ANKS1B: variants seen among roughly 807,000 people sequenced by gnomAD.
ANKS1B encodes ankyrin repeat and sterile alpha motif domain containing 1B.
A neutral mutation model predicts 148.3 loss-of-function variants in ANKS1B; 36 were observed. The observed-to-expected ratio is 0.24, with a 90% CI of 0.19 to 0.32. ANKS1B has a LOEUF of 0.32. ANKS1B is among the 10% of genes least tolerant of loss of function. ANKS1B has a pLI of 1.00. For synonymous variants in ANKS1B, 542 were observed against 560.8 expected, an observed-to-expected ratio of 0.97 and a Z score of 0.47; for missense variants, 1,157 against 1,542.6, an observed-to-expected ratio of 0.75 and a Z score of 4.19.
intron 12 of ANKS1B, among the ~76,000 whole-genome samples, chr12:99,300,537 T>C (rs2081458483): frequency 6.6e-6 from 1 of 151,882 alleles, no homozygotes; most frequent in Admixed American, 6.6e-5. Flanking sequence ...CCATGGAGCA[T>C]CTACATTTTT....
intron 21 of ANKS1B, 115 bp from the exon 22 acceptor site, chr12:98,799,120 A>G (rs2098978223): frequency 1.7e-6 from 1 of 600,428 alleles, no homozygotes; most frequent in East Asian, 3.2e-5. Context: ...AAGTTGTTGC[A>G]TAACTTTAAA....
intron 17 of ANKS1B, among the ~76,000 whole-genome samples, chr12:98,844,911 C>G: frequency 6.6e-6 from 1 of 152,142 alleles, no homozygotes; most frequent in East Asian, 1.9e-4. Flanking sequence ...ATTCTCTCAA[C>G]GGGCTGAAAA....
intron 12 of ANKS1B, among the ~76,000 whole-genome samples, chr12:99,292,240 C>T (rs1364436725): frequency 1.3e-5 from 2 of 151,886 alleles, no homozygotes. Flanking sequence ...CGCCTGTAAT[C>T]CCAGCACTTT....
chr12:99,365,659 A>C (rs1311908893), intron 12 of ANKS1B, among the ~76,000 whole-genome samples: 1 of 152,160 alleles, frequency 6.6e-6, no homozygotes, highest in Non-Finnish European at 1.5e-5. Flanking sequence ...TTCTGGGTCC[A>C]ATTCTAAATG....
At chr12:98,746,275 T>C (rs1246392492) in intron 26 of ANKS1B, among the ~76,000 whole-genome samples, 1 of 152,026 alleles carries the variant, frequency 6.6e-6, no homozygotes, top group Middle Eastern at 3.2e-3. Flanking sequence ...AAACCCGAAC[T>C]CCTCACCGTG....
At chr12:98,988,033 A>G (rs2099924441) in intron 17 of ANKS1B, among the ~76,000 whole-genome samples, 1 of 152,222 alleles carries the variant, frequency 6.6e-6, no homozygotes, top group Non-Finnish European at 1.5e-5. Context: ...TGCATGCAAC[A>G]TGATGTTTTG....
chr12:99,595,895 T>C (rs970481925), intron 9 of ANKS1B, among the ~76,000 whole-genome samples: 1 of 151,942 alleles, frequency 6.6e-6, no homozygotes, highest in Non-Finnish European at 1.5e-5. Flanking sequence ...ACCTAAGTTT[T>C]TGTAAGTATC....
At chr12:99,590,682 G>T (rs1158629118) in intron 9 of ANKS1B, among the ~76,000 whole-genome samples, 1 of 152,192 alleles carries the variant, frequency 6.6e-6, no homozygotes, top group Non-Finnish European at 1.5e-5. Context: ...GGTGAAGGAG[G>T]TTGAAAACAC....
At chr12:98,890,854 T>G (rs2099751188) in intron 17 of ANKS1B, among the ~76,000 whole-genome samples, 2 of 152,190 alleles carry the variant, frequency 1.3e-5, no homozygotes, top group Admixed American at 1.3e-4. Context: ...TCAAGCACCC[T>G]CCAAATATAT....
In ANKS1B at chr12:98,776,304, A is replaced by C. The variant is rs1331859019; in HGVS notation, c.3442-3125T>G. On this transcript the variant is annotated intron_variant, in intron 24 of 26. Transcript: ENST00000683438. ...TGAGTGGCTTTTCCACAAATTAAAA[A>C]GTGATGTCATGAAGAGGTACAGGTG... Among the ~76,000 whole-genome samples, 3 of 152,234 alleles carry C rather than the reference A, an allele frequency of 2.0e-5. No homozygotes were observed. In the East Asian group the frequency reaches 5.8e-4, roughly 29 times the overall value.
chr12:99,728,035 C>T (rs10860496), intron 8 of ANKS1B, among the ~76,000 whole-genome samples: 36,102 of 151,876 alleles, frequency 0.24, 4,509 homozygotes, highest in African/African-American at 0.28. Flanking sequence ...AAACCCTAGA[C>T]GAAAACTTAG....
At chr12:99,495,405 A>G (rs1313087409) in intron 10 of ANKS1B, among the ~76,000 whole-genome samples, 2 of 150,360 alleles carry the variant, frequency 1.3e-5, no homozygotes, top group Non-Finnish European at 1.5e-5. Context: ...TTTTCCAACT[A>G]CAACACATTT....
intron 1 of ANKS1B, among the ~76,000 whole-genome samples, chr12:99,927,869 C>A (rs1177065396): frequency 3.3e-5 from 5 of 152,110 alleles, no homozygotes; most frequent in Non-Finnish European, 7.4e-5. Context: ...TTAAAAAACA[C>A]TTTAACTGCT....
chr12:98,973,633 C>T (rs2099885727), intron 17 of ANKS1B, among the ~76,000 whole-genome samples: 1 of 152,130 alleles, frequency 6.6e-6, no homozygotes, highest in Non-Finnish European at 1.5e-5. Flanking sequence ...ATGCTGTCTG[C>T]CCTTAGTCAG....
intron 14 of ANKS1B, among the ~76,000 whole-genome samples, chr12:99,191,423 T>A (rs1387531162): frequency 6.6e-6 from 1 of 152,180 alleles, no homozygotes. Flanking sequence ...CTGTTCACAA[T>A]AGCAAAGACT....
intron 10 of ANKS1B, among the ~76,000 whole-genome samples, chr12:99,481,733 G>A (rs935915790): frequency 2.6e-5 from 4 of 151,698 alleles, no homozygotes; most frequent in Non-Finnish European, 4.4e-5. Flanking sequence ...GGCCATTCTT[G>A]CAGGAGTAAG....
chr12:99,372,261 CACTCAAT>C (rs745718127), intron 12 of ANKS1B, among the ~76,000 whole-genome samples: 4 of 151,780 alleles, frequency 2.6e-5, no homozygotes, highest in Non-Finnish European at 5.9e-5. Flanking sequence ...CTGTACCTTC[CACTCAAT>C]TTTGCTGTGA....
intron 17 of ANKS1B, among the ~76,000 whole-genome samples, chr12:98,868,827 G>C (rs2099638648): frequency 6.6e-6 from 1 of 152,196 alleles, no homozygotes; most frequent in Non-Finnish European, 1.5e-5. Flanking sequence ...AAAATAAAGG[G>C]TAGGGTGGGG....
intron 15 of ANKS1B, among the ~76,000 whole-genome samples, chr12:99,118,081 A>T (rs1325182816): frequency 6.6e-6 from 1 of 152,182 alleles, no homozygotes; most frequent in Non-Finnish European, 1.5e-5. Context: ...AAGATTTTTC[A>T]ATAAAAATGA....
Sources: allele counts gnomAD v4.1 joint callset (sites outside exome capture counted in the v4.1 genomes callset), GRCh38; gene constraint gnomAD v4.1.1; transcripts MANE v1.5; gene names NCBI Gene and HGNC (gene_info 2026-07-23, HGNC 2026-07-21).